CREB3L2: variants seen among roughly 807,000 people sequenced by gnomAD.
CREB3L2 encodes cAMP responsive element binding protein 3 like 2.
Under a neutral mutation model 57.2 loss-of-function variants are expected in CREB3L2, and 23 were observed. That is an observed-to-expected ratio of 0.40 (90% CI 0.29 to 0.57). The LOEUF is 0.57. CREB3L2 is among the 20% of genes least tolerant of loss of function. CREB3L2 has a pLI of 0.42. For synonymous variants in CREB3L2, 268 were observed against 265.1 expected (o/e 1.01, Z -0.11); for missense variants, 628 against 634.7 (o/e 0.99, Z 0.11).
intron 8 of CREB3L2, among the ~76,000 whole-genome samples, chr7:137,887,665 C>T (rs1476208956): frequency 6.6e-6 from 1 of 151,922 alleles, no homozygotes; most frequent in Non-Finnish European, 1.5e-5. Context: ...GCTGGGATTG[C>T]ACCATTGCAC....
At chr7:137,977,757 C>G (rs1801633970) in intron 1 of CREB3L2, among the ~76,000 whole-genome samples, 1 of 152,012 alleles carries the variant, frequency 6.6e-6, no homozygotes, top group South Asian at 2.1e-4. Flanking sequence ...CCTGATTCTA[C>G]TAAAAACAGA....
chr7:137,922,415 T>TATATACAC (rs1491237233), intron 2 of CREB3L2, among the ~76,000 whole-genome samples: 1 of 23,158 alleles, frequency 4.3e-5, no homozygotes, highest in African/African-American at 1.4e-4. Context: ...TATATATATA[T>TATATACAC]GTATATATAT....
intron 1 of CREB3L2, among the ~76,000 whole-genome samples, chr7:137,989,369 C>T (rs1801846554): frequency 6.6e-6 from 1 of 151,956 alleles, no homozygotes; most frequent in Non-Finnish European, 1.5e-5. Flanking sequence ...TTTGTACTGA[C>T]CACTCTGTAG....
At chr7:137,973,101 A>C (rs1355258180) in intron 1 of CREB3L2, among the ~76,000 whole-genome samples, 1 of 151,980 alleles carries the variant, frequency 6.6e-6, no homozygotes, top group Non-Finnish European at 1.5e-5. Context: ...GCAGCGCACC[A>C]GCACGGCACA....
rs1395832654 is a variant in CREB3L2, at chr7:137,880,462, T to C, written c.*14A>G. 2 of 1,605,892 alleles carry C rather than the reference T, an allele frequency of 1.2e-6. No individual in the cohort carries two copies. The highest frequency in any genetic ancestry group is 2.2e-5 in the South Asian group (2 of 90,438). On this transcript the variant is annotated 3_prime_UTR_variant, in exon 12 of 12. Transcript: ENST00000330387. The surrounding 1 kb of genome is among the most constrained non-coding windows in gnomAD (Gnocchi z 4.0). ...GTAGAGTTAAGGGAAAGGGAGGGGGTGCAGGCAGCCTCTTTAGAAAGTGGT... is the reference window on the plus strand; with the variant it reads ...GTAGAGTTAAGGGAAAGGGAGGGGGCGCAGGCAGCCTCTTTAGAAAGTGGT...
At chr7:137,955,186 A>G in intron 1 of CREB3L2, 1 of 824,600 alleles carries the variant, frequency 1.2e-6, no homozygotes, top group Non-Finnish European at 1.8e-6. Flanking sequence ...CATCATTAGA[A>G]ACCCCCTGAA....
intron 8 of CREB3L2, among the ~76,000 whole-genome samples, chr7:137,889,005 C>A (rs942867426): frequency 6.7e-6 from 1 of 149,400 alleles, no homozygotes. Flanking sequence ...CATTTTTTAC[C>A]AACAATCCCT....
rs757961936 is a variant in CREB3L2 at position 137,885,390 on chromosome 7, C to A, written c.1143+13G>T. 3 of 1,610,916 alleles carry A rather than the reference C, an allele frequency of 1.9e-6. No homozygotes were observed. The highest frequency in any genetic ancestry group is 8.5e-7 in the Non-Finnish European group (1 of 1,177,634). On this transcript the variant is annotated intron_variant, in intron 9 of 11. Transcript: ENST00000330387. ...CAGGGGCGGTCACTGTGCTACCCTG[C>A]TGGGAAGCTCACCATGAGGCAGGTG...
At chr7:137,901,271 C>T (rs1563244859) in intron 8 of CREB3L2, 83 bp downstream of exon 8, 4 of 922,538 alleles carry the variant, frequency 4.3e-6, no homozygotes, top group African/African-American at 1.7e-5. Context: ...CACTTTTCTG[C>T]CATCCCTGGT....
chr7:137,903,457 A>C (rs2117202636), intron 7 of CREB3L2, among the ~76,000 whole-genome samples: 1 of 152,298 alleles, frequency 6.6e-6, no homozygotes, highest in Middle Eastern at 3.4e-3. Context: ...ACTTTTCAAA[A>C]GAACAAAGAT....
At chr7:137,883,624 A>G (rs10257904) in intron 10 of CREB3L2, among the ~76,000 whole-genome samples, 6,060 of 152,280 alleles carry the variant, frequency 0.04, 372 homozygotes, top group African/African-American at 0.14. Context: ...ATCTTCTAAT[A>G]AAAGTTACAT....
At chr7:137,912,220 T>C (rs141598606) in intron 4 of CREB3L2, among the ~76,000 whole-genome samples, 7,922 of 152,018 alleles carry the variant, frequency 0.052, 434 homozygotes, top group East Asian at 0.17. Context: ...CTACTAAAAA[T>C]ACCAAAATTA....
chr7:137,893,454 A>C (rs1316916465), intron 8 of CREB3L2, among the ~76,000 whole-genome samples: 1 of 152,266 alleles, frequency 6.6e-6, no homozygotes, highest in Admixed American at 6.5e-5. Context: ...GTCATTTATC[A>C]GTCCTCAAAT....
chr7:137,912,786 A>G, intron 4 of CREB3L2: 2 of 1,447,234 alleles, frequency 1.4e-6, no homozygotes, highest in Admixed American at 2.1e-5. Flanking sequence ...AAATTTAATC[A>G]CGTGCATATA....
intron 1 of CREB3L2, among the ~76,000 whole-genome samples, chr7:137,986,077 T>TTA (rs1801787988): frequency 6.6e-6 from 1 of 152,196 alleles, no homozygotes; most frequent in Admixed American, 6.5e-5. Context: ...GACACTTTAC[T>TTA]TATGTCATTT....
At chr7:137,882,119 G>C (rs910102925) in intron 11 of CREB3L2, among the ~76,000 whole-genome samples, 3 of 152,332 alleles carry the variant, frequency 2.0e-5, no homozygotes, top group Admixed American at 2.0e-4. Context: ...TTGGAAGGGA[G>C]GATGGAGACA....
Position 137,980,075 on chromosome 7 carries a change from A to G in CREB3L2, c.102+21529T>C, listed in dbSNP as rs1801686196. On this transcript the variant is annotated intron_variant, in intron 1 of 11. Coordinates refer to ENST00000330387, the MANE Select transcript of CREB3L2 (RefSeq NM_194071.4). The surrounding 1 kb of genome is among the most constrained non-coding windows in gnomAD (Gnocchi z 4.3). ...ACATGGATCATCTGGGGATCTTCAG[A>G]TTATAATTCAGAAAGTCTAGAGTAG... 6.6e-6 allele frequency among the ~76,000 whole-genome samples: 1 copy of G among 152,228 alleles called. No homozygotes were observed. Among genetic ancestry groups the G allele is most frequent in the African/African-American group, 2.4e-5 (1 of 41,462 alleles).
rs867389592 is a variant in CREB3L2, at chr7:137,980,644, G to C, written c.102+20960C>G. ...CAGACTTCCCCAACCAGTGGCCCAGGCTCCTAAAATACATGACATGGGATT... is the reference window on the plus strand; with the variant it reads ...CAGACTTCCCCAACCAGTGGCCCAGCCTCCTAAAATACATGACATGGGATT... On this transcript the variant is annotated intron_variant, in intron 1 of 11. Coordinates refer to ENST00000330387, the MANE Select transcript of CREB3L2 (RefSeq NM_194071.4). The surrounding 1 kb of genome is among the most constrained non-coding windows in gnomAD (Gnocchi z 4.3). Among the ~76,000 whole-genome samples the C allele has an allele frequency of 6.6e-6, 1 of 152,212 alleles. No individual in the cohort carries two copies. Among genetic ancestry groups the C allele is most frequent in the African/African-American group, 2.4e-5 (1 of 41,468 alleles).
intron 1 of CREB3L2, among the ~76,000 whole-genome samples, chr7:137,977,734 A>T (rs1329873981): frequency 6.6e-6 from 1 of 152,134 alleles, no homozygotes; most frequent in Non-Finnish European, 1.5e-5. Flanking sequence ...CAGCCTGGTC[A>T]ATATGATGAA....
Sources: allele counts gnomAD v4.1 joint callset (sites outside exome capture counted in the v4.1 genomes callset), GRCh38; gene constraint gnomAD v4.1.1; non-coding constraint Gnocchi (gnomAD v3.1); transcripts MANE v1.5; gene names NCBI Gene and HGNC (gene_info 2026-07-23, HGNC 2026-07-21).